Variants in YTHDF1 observed in about 807,000 individuals in gnomAD.
YTHDF1 encodes the protein YTH domain-containing family protein 1.
A neutral mutation model predicts 49.1 loss-of-function variants in YTHDF1; 16 were observed. The observed-to-expected ratio is 0.33, with a 90% CI of 0.22 to 0.49. The LOEUF (loss-of-function observed/expected upper bound fraction) is 0.49. Among genes scored for constraint, YTHDF1 ranks in the 20% least tolerant of loss-of-function variants. The pLI, the probability that YTHDF1 is intolerant of heterozygous loss-of-function variation, is 0.99. For synonymous variants in YTHDF1, 313 were observed against 290.1 expected (o/e 1.08, Z -0.80); for missense variants, 621 against 744.3 (o/e 0.83, Z 1.93).
At position 63,199,166 on chromosome 20, in the gene YTHDF1, G is replaced by A. The variant is rs139973995; in HGVS notation, c.1654-2432C>T. Among the ~76,000 whole-genome samples the A allele has an allele frequency of 1.6e-3, 240 of 152,270 alleles. 4 individuals are homozygous for A. In the East Asian group the frequency reaches 0.017, roughly 11 times the overall value. On this transcript the variant is annotated intron_variant, in intron 4 of 4. Transcript: ENST00000370339. ...TGAGAGAACCTTGAGAAAACCGCCC[G>A]GGGGCTCTACCAGCACAGGCGCACA... is the stretch of plus-strand genomic sequence containing the variant.
At chr20:63,199,678 C>A (rs1318217516) in intron 4 of YTHDF1, among the ~76,000 whole-genome samples, 1 of 152,224 alleles carries the variant, frequency 6.6e-6, no homozygotes, top group African/African-American at 2.4e-5. Flanking sequence ...AGAGCACCTT[C>A]GCAGGCAGGG....
At chr20:63,211,280 C>G (rs1259426399) in intron 3 of YTHDF1, among the ~76,000 whole-genome samples, 3 of 152,016 alleles carry the variant, frequency 2.0e-5, no homozygotes, top group Non-Finnish European at 2.9e-5. Context: ...GCCTGGGCAA[C>G]ACAGCAATAT....
Position 63,202,589 on chromosome 20 carries a change from C to T in YTHDF1, c.1351G>A (p.Glu451Lys), listed in dbSNP as rs921025229. 15 of 1,614,088 alleles carry T rather than the reference C, an allele frequency of 9.3e-6. No homozygotes were observed. The highest frequency in any genetic ancestry group is 2.7e-5 in the African/African-American group (2 of 74,958). ...NGSGHFCGVAEMKSPVDYGTS... is the reference protein window; with the variant it reads ...NGSGHFCGVAKMKSPVDYGTS... Reference sequence around the variant, plus strand: ...CCGTAGTCCACGGGGGACTTCATCTCGGCCACCCCACAAAAATGCCCACTC... The same window carrying T: ...CCGTAGTCCACGGGGGACTTCATCTTGGCCACCCCACAAAAATGCCCACTC... The change falls in exon 4 of 5, where the codon GAG becomes AAG. Residue 451 changes from glutamate (E) to lysine (K), a missense_variant. Glu to Lys is a moderately conservative substitution (Grantham distance 56). Around this residue, in one of 2 missense-constraint regions of YTHDF1, gnomAD observed 151 missense variants for 248.5 expected, o/e 0.61. Transcript: ENST00000370339.
chr20:63,202,363 T>C lies in YTHDF1; in HGVS notation c.1577A>G (p.Tyr526Cys). The change falls in exon 4 of 5, where the codon TAC (tyrosine) becomes TGC (cysteine). Residue 526 changes from tyrosine to cysteine, a missense_variant. Tyr to Cys is a radical substitution (Grantham distance 194). Transcript: ENST00000370339. ...AKQVLKIISS[Y>C]KHTTSIFDDF... ...GTCGAAGATGGAGGTTGTGTGCTTG[T>C]AGGAACTGATAATTTTCAGCACTTG... 1 of 1,614,274 alleles carries C rather than the reference T, an allele frequency of 6.2e-7. No homozygotes were observed. Among genetic ancestry groups the C allele is most frequent in the South Asian group, 1.1e-5 (1 of 91,090 alleles).
chr20:63,202,213 C>CACCG (rs1188563178), intron 4 of YTHDF1, 74 bp downstream of exon 4: 1 of 1,530,934 alleles, frequency 6.5e-7, no homozygotes, highest in Non-Finnish European at 8.8e-7. Flanking sequence ...ATCTGCTCAC[C>CACCG]ACCGGGCCAC....
chr20:63,212,832 G>T (rs1025109372), intron 3 of YTHDF1, among the ~76,000 whole-genome samples: 1 of 152,184 alleles, frequency 6.6e-6, no homozygotes, highest in African/African-American at 2.4e-5. Flanking sequence ...GGCATCTAGT[G>T]GGTGGGAAGC....
chr20:63,200,547 G>A (rs945725220), intron 4 of YTHDF1, among the ~76,000 whole-genome samples: 5 of 152,222 alleles, frequency 3.3e-5, no homozygotes, highest in Admixed American at 1.3e-4. Context: ...TGTTGGACTC[G>A]CCTTGGAGCA....
At chr20:63,208,897 T>G (rs1283158112) in intron 3 of YTHDF1, among the ~76,000 whole-genome samples, 1 of 152,098 alleles carries the variant, frequency 6.6e-6, no homozygotes, top group Non-Finnish European at 1.5e-5. Context: ...ACCCAAAACC[T>G]GATGAGCAAT....
intron 3 of YTHDF1, among the ~76,000 whole-genome samples, chr20:63,210,649 G>A (rs1018461790): frequency 1.3e-5 from 2 of 152,094 alleles, no homozygotes; most frequent in East Asian, 3.9e-4. Flanking sequence ...TTAGCCAGGC[G>A]TGGTGGCGCG....
intron 2 of YTHDF1, 131 bp from the exon 3 acceptor site, chr20:63,214,074 CA>C: frequency 7.0e-7 from 1 of 1,426,752 alleles, no homozygotes; most frequent in Non-Finnish European, 9.2e-7. Flanking sequence ...AAAAGGAGTA[CA>C]ACCAGTATAG....
chr20:63,207,425 A>C lies in YTHDF1; in HGVS notation c.133-3618T>G, dbSNP rs67174925. ...CGGAGCTTGCAGTGAGCCGAGATCG[A>C]GCCACTGCACTCCAGCCTGGGTGAC... On this transcript the variant is annotated intron_variant, in intron 3 of 4. Transcript: ENST00000370339. 2.6e-4 allele frequency among the ~76,000 whole-genome samples: 40 copies of C among 151,978 alleles called. 1 individual carries two copies. The East Asian group carries it at 3.7e-3, about 14-fold the overall frequency.
chr20:63,206,436 C>T (rs2066546439), intron 3 of YTHDF1, among the ~76,000 whole-genome samples: 1 of 152,222 alleles, frequency 6.6e-6, no homozygotes, highest in South Asian at 2.1e-4. Context: ...ATTAAATGGA[C>T]ACACCTAGCA....
At chr20:63,198,951 T>TGA (rs2066504963) in intron 4 of YTHDF1, among the ~76,000 whole-genome samples, 2 of 152,266 alleles carry the variant, frequency 1.3e-5, no homozygotes, top group South Asian at 4.1e-4. Flanking sequence ...GGACTTGGTC[T>TGA]GACTCTGCTG....
At position 63,202,622 on chromosome 20, in the gene YTHDF1, C is replaced by T. The variant is rs147453582; in HGVS notation, c.1318G>A (p.Val440Ile). ...SKGPVYLLFS[V>I]NGSGHFCGVA... is the part of the protein sequence containing the mutation. ...CCACAAAAATGCCCACTCCCATTGACGCTGAAGAGCAGGTAGACGGGCCCC... is the reference window on the plus strand; with the variant it reads ...CCACAAAAATGCCCACTCCCATTGATGCTGAAGAGCAGGTAGACGGGCCCC... The change falls in exon 4 of 5, where the codon GTC (valine) becomes ATC (isoleucine). Residue 440 changes from valine (V) to isoleucine (I), a missense_variant. Physicochemically the swap from Val to Ile is conservative, Grantham distance 29. Coordinates refer to ENST00000370339, the MANE Select transcript of YTHDF1 (RefSeq NM_017798.4). The T allele has an allele frequency of 3.1e-6, 5 of 1,613,890 alleles. No individual in the cohort carries two copies. Among genetic ancestry groups the T allele is most frequent in the Non-Finnish European group, 4.2e-6 (5 of 1,180,050 alleles).
Position 63,203,377 on chromosome 20 carries a change from A to C in YTHDF1, c.563T>G (p.Val188Gly), listed in dbSNP as rs745311943. Residue 188 changes from valine to glycine, a missense_variant, in exon 4 of 5, where the codon GTT becomes GGT. This residue lies in a region of YTHDF1 where 470 missense variants were observed against 495.8 expected (regional missense o/e 0.95). Transcript: ENST00000370339. The surrounding 1 kb of genome is among the most constrained non-coding windows in gnomAD (Gnocchi z 4.4). ...PGMNSLEQGM[V>G]GLKIGDVSSS... The stretch of plus-strand genomic sequence containing the variant: ...GCTGACGTCCCCAATCTTCAGGCCA[A>C]CCATGCCCTGCTCCAGGCTGTTCAT... 7.4e-6 allele frequency: 12 copies of C among 1,613,144 alleles called. No individual in the cohort carries two copies. Among genetic ancestry groups the C allele is most frequent in the Non-Finnish European group, 9.3e-6 (11 of 1,179,866 alleles).
At chr20:63,199,750 TG>T (rs925910177) in intron 4 of YTHDF1, among the ~76,000 whole-genome samples, 5 of 151,956 alleles carry the variant, frequency 3.3e-5, no homozygotes, top group Non-Finnish European at 1.5e-5. Context: ...TTCTCTACAC[TG>T]CCCAATAAGC....
chr20:63,211,364 T>C (rs1225864870), intron 3 of YTHDF1, among the ~76,000 whole-genome samples: 2 of 151,584 alleles, frequency 1.3e-5, no homozygotes, highest in African/African-American at 2.4e-5. Context: ...ACTTGGGAGG[T>C]TGAGGTGGGA....
chr20:63,213,163 G>A (rs2066583722), intron 3 of YTHDF1, among the ~76,000 whole-genome samples: 1 of 152,250 alleles, frequency 6.6e-6, no homozygotes, highest in Non-Finnish European at 1.5e-5. Context: ...TGGGCGCGGT[G>A]CCTCACGCCT....
At chr20:63,205,208 A>G (rs187653493) in intron 3 of YTHDF1, among the ~76,000 whole-genome samples, 1 of 152,252 alleles carries the variant, frequency 6.6e-6, no homozygotes, top group African/African-American at 2.4e-5. Context: ...AGGCTACACT[A>G]TGAAGGATAA....
Sources: allele counts gnomAD v4.1 joint callset (sites outside exome capture counted in the v4.1 genomes callset), GRCh38; gene constraint gnomAD v4.1.1; regional missense constraint gnomAD v4.1.1; non-coding constraint Gnocchi (gnomAD v3.1); transcripts MANE v1.5; gene names NCBI Gene and HGNC (gene_info 2026-07-23, HGNC 2026-07-21).